TCTN1: variants seen among roughly 807,000 people sequenced by gnomAD.
TCTN1 encodes the protein tectonic-1.
Under a neutral mutation model 65.8 loss-of-function variants are expected in TCTN1, and 58 were observed. The observed-to-expected ratio is 0.88, with a 90% CI of 0.71 to 1.10. TCTN1 has a LOEUF of 1.10. TCTN1 is among the 50% of genes least tolerant of loss of function. The pLI is 0.00. For synonymous variants in TCTN1, 273 were observed against 289.1 expected, an observed-to-expected ratio of 0.94 and a Z score of 0.57; for missense variants, 645 against 719.4, an observed-to-expected ratio of 0.90 and a Z score of 1.18.
chr12:110,629,182 TG>T, intron 4 of TCTN1: 1 of 557,858 alleles, frequency 1.8e-6, no homozygotes. Flanking sequence ...GACATAGACA[TG>T]GGCAAAGACA....
intron 2 of TCTN1, among the ~76,000 whole-genome samples, chr12:110,622,564 A>C (rs2065510275): frequency 6.6e-6 from 1 of 152,136 alleles, no homozygotes; most frequent in Non-Finnish European, 1.5e-5. Context: ...CACGTGGAAG[A>C]TGGTCAGCAT....
chr12:110,632,688 C>T, intron 5 of TCTN1, 129 bp downstream of exon 5: 3 of 909,776 alleles, frequency 3.3e-6, no homozygotes, highest in Non-Finnish European at 3.5e-6. Context: ...CAACTTAATA[C>T]TTTACATTTG....
chr12:110,624,599 T>TG (rs769911444), intron 2 of TCTN1, among the ~76,000 whole-genome samples: 1 of 150,876 alleles, frequency 6.6e-6, no homozygotes, highest in African/African-American at 2.4e-5. Flanking sequence ...TTTTTTTTTT[T>TG]GGGAGAGAGA....
At chr12:110,635,865 T>C (rs1366127934) in intron 6 of TCTN1, 1 of 153,708 alleles carries the variant, frequency 6.5e-6, no homozygotes, top group African/African-American at 2.4e-5. Flanking sequence ...TGAATTCTTC[T>C]AGTTAGCTTG....
chr12:110,647,264 C>G lies in TCTN1; in HGVS notation c.1563C>G (p.Tyr521Ter), dbSNP rs368907353. 1 of 1,614,020 alleles carries G rather than the reference C, an allele frequency of 6.2e-7. No individual in the cohort carries two copies. Among genetic ancestry groups the G allele is most frequent in the Non-Finnish European group, 8.5e-7 (1 of 1,180,004 alleles). The change falls in exon 13 of 15, where the codon TAC becomes TAG. Residue 521 changes from tyrosine to a stop codon, truncating the protein, a stop_gained. Coordinates refer to ENST00000397659, the MANE Select transcript of TCTN1 (RefSeq NM_001082538.3). LOFTEE classifies it high-confidence loss of function. ...ALVIEVKWTK[Y>*]GSLLNPQAKI... Reference sequence around the variant, plus strand: ...TTATAGAAGTGAAGTGGACTAAATACGGATCCCTGCTGAATCCACAGGCCA... The same window carrying G: ...TTATAGAAGTGAAGTGGACTAAATAGGGATCCCTGCTGAATCCACAGGCCA...
At chr12:110,623,138 G>A (rs1192161813) in intron 2 of TCTN1, among the ~76,000 whole-genome samples, 1 of 152,150 alleles carries the variant, frequency 6.6e-6, no homozygotes, top group Non-Finnish European at 1.5e-5. Flanking sequence ...AAGACCTTCA[G>A]AAGTTCTCAT....
At chr12:110,621,053 C>T (rs1167804640) in intron 2 of TCTN1, among the ~76,000 whole-genome samples, 3 of 152,184 alleles carry the variant, frequency 2.0e-5, no homozygotes, top group Non-Finnish European at 4.4e-5. Context: ...GATCCGCCCT[C>T]CTTGGCCTCC....
chr12:110,620,052 A>C (rs1593226212), intron 2 of TCTN1, 96 bp downstream of exon 2: 1 of 1,563,078 alleles, frequency 6.4e-7, no homozygotes, highest in Non-Finnish European at 8.8e-7. Context: ...AAAAACCCAA[A>C]CCTGATTTCC....
rs2066901127 is a variant in TCTN1 at position 110,640,737 on chromosome 12, T to C, written c.978+220T>C. 6.6e-6 allele frequency among the ~76,000 whole-genome samples: 1 copy of C among 152,204 alleles called. No homozygotes were observed. ...GGAATACATCAAAATATTTTTGTTG[T>C]TGCTGTTTTTGTTTTAACATGTTTC... On this transcript the variant is annotated intron_variant, in intron 8 of 14. Transcript: ENST00000397659. This position sits in a 1 kb window ranked among gnomAD's most constrained non-coding sequence, Gnocchi z 4.9.
At chr12:110,627,190 C>T (rs370801079) in intron 3 of TCTN1, among the ~76,000 whole-genome samples, 12 of 146,404 alleles carry the variant, frequency 8.2e-5, no homozygotes, top group Admixed American at 4.1e-4. Flanking sequence ...CTCTGCCTCC[C>T]GGGTTCAAGT....
In TCTN1 at chr12:110,628,814, A is replaced by G. The variant is rs1184632828; in HGVS notation, c.520A>G (p.Asn174Asp). The change falls in exon 4 of 15, where the codon AAT (asparagine) becomes GAT (aspartate). Residue 174 changes from asparagine (N) to aspartate (D), a missense_variant. Coordinates refer to ENST00000397659, the MANE Select transcript of TCTN1 (RefSeq NM_001082538.3). ...FINPEVPDEN[N>D]FDTLMKTSDG... The stretch of plus-strand genomic sequence containing the variant: ...TAATCCAGAAGTACCTGATGAAAAC[A>G]ATTTTGATACATTGATGAAAACATC... The G allele has an allele frequency of 6.2e-7, 1 of 1,612,802 alleles. No individual in the cohort carries two copies. Among genetic ancestry groups the G allele is most frequent in the South Asian group, 1.1e-5 (1 of 91,058 alleles).
At chr12:110,635,460 A>AT (rs1719755574) in intron 6 of TCTN1, among the ~76,000 whole-genome samples, 1 of 152,122 alleles carries the variant, frequency 6.6e-6, no homozygotes, top group Non-Finnish European at 1.5e-5. Flanking sequence ...ACAAAAAATA[A>AT]TAAAAAAAAA....
At chr12:110,624,340 A>G (rs1380549050) in intron 2 of TCTN1, among the ~76,000 whole-genome samples, 1 of 151,208 alleles carries the variant, frequency 6.6e-6, no homozygotes, top group African/African-American at 2.4e-5. Flanking sequence ...CAGCCTCCCA[A>G]GTAGTTAGTA....
intron 12 of TCTN1, chr12:110,646,333 T>TC (rs753534156): frequency 1.9e-4 from 29 of 152,230 alleles, no homozygotes; most frequent in Non-Finnish European, 3.2e-4. Context: ...AGTGCTTTTT[T>TC]CGCAGCCACC....
At chr12:110,631,476 A>T (rs982514363) in intron 4 of TCTN1, among the ~76,000 whole-genome samples, 3 of 152,016 alleles carry the variant, frequency 2.0e-5, no homozygotes, top group Non-Finnish European at 4.4e-5. Flanking sequence ...TCTACTAAAA[A>T]TACAAAAATT....
rs2066860112 is a variant in TCTN1, at chr12:110,640,236, T to C, written c.844-147T>C. The C allele has an allele frequency of 2.2e-6, 2 of 908,028 alleles. No homozygotes were observed. The highest frequency in any genetic ancestry group is 3.3e-5 in the African/African-American group (2 of 60,574). 56.2% of individuals were successfully genotyped at this position (908,028 alleles called of 1,614,324 possible). A position where few individuals can be genotyped will look rare whatever the true frequency, so the allele number is the denominator to read the frequency against. On this transcript the variant is annotated intron_variant, in intron 7 of 14. Coordinates refer to ENST00000397659, the MANE Select transcript of TCTN1 (RefSeq NM_001082538.3). This position sits in a 1 kb window ranked among gnomAD's most constrained non-coding sequence, Gnocchi z 4.9. ...TATATATGTTTATTACTTTTGCAAA[T>C]GTGGATCATAGTATATACACTGTTG...
At chr12:110,648,069 T>G (rs2067488815) in intron 14 of TCTN1, among the ~76,000 whole-genome samples, 176 bp downstream of exon 14, 1 of 152,108 alleles carries the variant, frequency 6.6e-6, no homozygotes, top group Non-Finnish European at 1.5e-5. Flanking sequence ...CCTCCTGGGC[T>G]CAAGCAATCC....
chr12:110,623,303 G>A (rs1380644202), intron 2 of TCTN1, among the ~76,000 whole-genome samples: 1 of 152,160 alleles, frequency 6.6e-6, no homozygotes, highest in African/African-American at 2.4e-5. Context: ...GGCCATTGCC[G>A]TTCTTGCACT....
chr12:110,645,938 G>A (rs755468963), intron 12 of TCTN1: 1 of 152,128 alleles, frequency 6.6e-6, no homozygotes, highest in Non-Finnish European at 1.5e-5. Flanking sequence ...AGAGACCCGG[G>A]ATTACTCAGT....
Sources: allele counts gnomAD v4.1 joint callset (sites outside exome capture counted in the v4.1 genomes callset), GRCh38; gene constraint gnomAD v4.1.1; non-coding constraint Gnocchi (gnomAD v3.1); transcripts MANE v1.5; gene names NCBI Gene and HGNC (gene_info 2026-07-23, HGNC 2026-07-21).